The following COMT variants were observed in gnomAD, a reference collection of about 807,000 sequenced individuals.
COMT encodes catechol O-methyltransferase.
In COMT, 13 loss-of-function variants were observed where a neutral mutation model predicts 18.9. The observed-to-expected ratio is 0.69, with a 90% CI of 0.45 to 1.09. The LOEUF (loss-of-function observed/expected upper bound fraction) is 1.09. Ranked by LOEUF, COMT falls within the 50% of genes least tolerant of loss-of-function variation. The probability of loss-of-function intolerance (pLI) is 0.00; values close to 1 mark genes in which losing one functional copy is unlikely to be tolerated. For missense variants in COMT, 329 were observed against 361.8 expected, an observed-to-expected ratio of 0.91 and a Z score of 0.73; for synonymous variants, 150 against 160.9, an observed-to-expected ratio of 0.93 and a Z score of 0.51.
intron 3 of COMT, 164 bp downstream of exon 3, chr22:19,962,979 G>A: frequency 1.1e-6 from 1 of 886,334 alleles, no homozygotes; most frequent in Non-Finnish European, 1.7e-6. Flanking sequence ...CAGGGTGCCA[G>A]GGTCCCTGAT....
Position 19,964,211 on chromosome 22 carries a change from TGAA to T in COMT, c.535_537del (p.Lys179del), listed in dbSNP as rs773751730. 50 of 1,614,002 alleles carry T rather than the reference TGAA, an allele frequency of 3.1e-5. No individual in the cohort carries two copies. Among genetic ancestry groups the T allele is most frequent in the Admixed American group, 5.0e-5 (3 of 60,008 alleles). On this transcript the variant is annotated inframe_deletion, in exon 5 of 6. Coordinates refer to ENST00000361682, the MANE Select transcript of COMT (RefSeq NM_000754.4). ...GCGTCCCAGGACATCATCCCCCAGCTGAAGAAGAAGTATGATGTGGACACACTG... is the reference window on the plus strand; with the variant it reads ...GCGTCCCAGGACATCATCCCCCAGCTGAAGAAGTATGATGTGGACACACTG...
At chr22:19,952,299 G>T (rs929497579) in intron 1 of COMT, among the ~76,000 whole-genome samples, 12 of 149,900 alleles carry the variant, frequency 8.0e-5, no homozygotes, top group Admixed American at 4.0e-4. Flanking sequence ...AGGTGATCAC[G>T]CCACTGCACT....
chr22:19,967,042 C>T (rs918753105), intron 5 of COMT: 31 of 1,207,988 alleles, frequency 2.6e-5, no homozygotes, highest in Non-Finnish European at 3.3e-5. Context: ...ACAGGCAGGA[C>T]AGGTGCTGCC....
At position 19,969,912 on chromosome 22, in the gene COMT, A is replaced by C. The variant is rs147371346; in HGVS notation, c.*1176A>C. 3.0e-6 allele frequency: 3 copies of C among 985,530 alleles called. No homozygotes were observed. The African/African-American group carries it at 5.2e-5, about 17-fold the overall frequency. 61.0% of individuals were successfully genotyped at this position (985,530 alleles called of 1,614,324 possible). On this transcript the variant is annotated 3_prime_UTR_variant, in exon 6 of 6. Transcript: ENST00000361682. ...AGCAAAAAGTTCCTTTGCTGCTTTA[A>C]TTTTTAAATTTTCTTACAAAAATTT... is the stretch of plus-strand genomic sequence containing the variant.
In COMT at chr22:19,968,747, G is replaced by T. The variant is rs138327309; in HGVS notation, c.*11G>T. Reference sequence around the variant, plus strand: ...GAAGCAGGGCCCTGACTGCCCCCCCGGCCCCCCTCTCGGGCTCTCTCACCC... The same window carrying T: ...GAAGCAGGGCCCTGACTGCCCCCCCTGCCCCCCTCTCGGGCTCTCTCACCC... On this transcript the variant is annotated 3_prime_UTR_variant, in exon 6 of 6. Coordinates refer to ENST00000361682, the MANE Select transcript of COMT (RefSeq NM_000754.4). The T allele has an allele frequency of 2.7e-5, 37 of 1,348,112 alleles. No individual in the cohort carries two copies. The highest frequency in any genetic ancestry group is 3.8e-5 in the Non-Finnish European group (37 of 971,180). 83.5% of individuals were successfully genotyped at this position (1,348,112 alleles called of 1,614,324 possible).
At chr22:19,965,365 TG>T (rs1423824868) in intron 5 of COMT, 2 of 152,188 alleles carry the variant, frequency 1.3e-5, no homozygotes, top group East Asian at 3.9e-4. Flanking sequence ...ATATTTTAGA[TG>T]GAGTCTTGCT....
At chr22:19,957,201 C>A (rs906230637) in intron 1 of COMT, among the ~76,000 whole-genome samples, 1 of 151,994 alleles carries the variant, frequency 6.6e-6, no homozygotes, top group Non-Finnish European at 1.5e-5. Context: ...CTGCCCGCCC[C>A]GGCCTCCCAA....
Position 19,963,600 on chromosome 22 carries a change from G to T in COMT, c.324G>T (p.Gln108His). 1 of 1,612,854 alleles carries T rather than the reference G, an allele frequency of 6.2e-7. No homozygotes were observed. Reference protein sequence around the residue: ...KIVDAVIQEHQPSVLLELGAY... With the variant: ...KIVDAVIQEHHPSVLLELGAY... ...TGGACGCCGTGATTCAGGAGCACCA[G>T]CCCTCCGTGCTGCTGGAGCTGGGGG... Residue 108 changes from glutamine to histidine, a missense_variant, in exon 4 of 6, where the codon CAG (glutamine) becomes CAT (histidine). Coordinates refer to ENST00000361682, the MANE Select transcript of COMT (RefSeq NM_000754.4).
At position 19,952,899 on chromosome 22, in the gene COMT, C is replaced by T. The variant is rs528070364; in HGVS notation, c.-91-8300C>T. Among the ~76,000 whole-genome samples the T allele has an allele frequency of 3.3e-5, 5 of 151,244 alleles. 1 individual carries two copies. Among genetic ancestry groups the T allele is most frequent in the African/African-American group, 1.2e-4 (5 of 41,198 alleles). ...CCAGGAGGCGGAGGTTGCAGTGAGC[C>T]GAGATCGCGCCACTGCACTCCAGTC... On this transcript the variant is annotated intron_variant, in intron 1 of 5. Transcript: ENST00000361682.
chr22:19,952,310 C>G (rs1941955922), intron 1 of COMT, among the ~76,000 whole-genome samples: 1 of 150,076 alleles, frequency 6.7e-6, no homozygotes, highest in Non-Finnish European at 1.5e-5. Context: ...CCACTGCACT[C>G]CCGCCTGGGC....
At chr22:19,953,783 C>T (rs751730688) in intron 1 of COMT, among the ~76,000 whole-genome samples, 11 of 152,190 alleles carry the variant, frequency 7.2e-5, no homozygotes, top group Non-Finnish European at 1.2e-4. Context: ...CCAAGCCAGC[C>T]TCCACTCTTG....
chr22:19,944,946 C>T (rs1270133337), intron 1 of COMT, among the ~76,000 whole-genome samples: 1 of 152,232 alleles, frequency 6.6e-6, no homozygotes, highest in Non-Finnish European at 1.5e-5. Flanking sequence ...CAAACCCTTC[C>T]CTTTTGATTG....
At chr22:19,956,005 G>A (rs1361659805) in intron 1 of COMT, among the ~76,000 whole-genome samples, 1 of 152,144 alleles carries the variant, frequency 6.6e-6, no homozygotes, top group African/African-American at 2.4e-5. Context: ...GGATGTGGGT[G>A]AATAGAGACC....
At chr22:19,942,382 G>A (rs1941751244) in intron 1 of COMT, among the ~76,000 whole-genome samples, 1 of 152,096 alleles carries the variant, frequency 6.6e-6, no homozygotes, top group Non-Finnish European at 1.5e-5. Flanking sequence ...AGAGGGCCTT[G>A]GTGACTTCTC....
intron 1 of COMT, among the ~76,000 whole-genome samples, chr22:19,944,886 C>T (rs1174591691): frequency 6.6e-6 from 1 of 152,286 alleles, no homozygotes; most frequent in Non-Finnish European, 1.5e-5. Flanking sequence ...GATCTGATAA[C>T]TCCCAAGGGG....
Position 19,969,695 on chromosome 22 carries a change from A to G in COMT, c.*959A>G. On this transcript the variant is annotated 3_prime_UTR_variant, in exon 6 of 6. Transcript: ENST00000361682. ...GGCCTGGCTAGCCCCCAGCCAGCCC[A>G]CTCCTATGGATAGACAGACCAGTGA... 2.7e-6 allele frequency: 1 copy of G among 365,904 alleles called. No individual in the cohort carries two copies. The highest frequency in any genetic ancestry group is 3.8e-6 in the Non-Finnish European group (1 of 264,254). 22.7% of individuals were successfully genotyped at this position (365,904 alleles called of 1,614,324 possible). A position where few individuals can be genotyped will look rare whatever the true frequency, so the allele number is the denominator to read the frequency against.
intron 1 of COMT, among the ~76,000 whole-genome samples, chr22:19,955,917 A>G (rs1942047135): frequency 6.6e-6 from 1 of 152,128 alleles, no homozygotes; most frequent in Non-Finnish European, 1.5e-5. Context: ...CTTGCTGTGC[A>G]GCCCAGTCTT....
At position 19,949,600 on chromosome 22, in the gene COMT, G is replaced by A. The variant is rs138042343; in HGVS notation, c.-92+7703G>A. Among the ~76,000 whole-genome samples, 92 of 151,552 alleles carry A rather than the reference G, an allele frequency of 6.1e-4. 1 individual carries two copies. The East Asian group carries it at 0.017, about 28-fold the overall frequency. ...TATAATTTTTAACCATTAGTAACCGGTATTTTTTTTTTAAAGAGACAGCGT... is the reference window on the plus strand; with the variant it reads ...TATAATTTTTAACCATTAGTAACCGATATTTTTTTTTTAAAGAGACAGCGT... On this transcript the variant is annotated intron_variant, in intron 1 of 5. Coordinates refer to ENST00000361682, the MANE Select transcript of COMT (RefSeq NM_000754.4).
In COMT at chr22:19,941,846, G is replaced by A. The variant is rs549728841; in HGVS notation, c.-143G>A. ...GGCAGCTAGGGCTGCCCGCCGCGCT[G>A]CCTGCGCCGGACCGGGGCGGGTCCA... On this transcript the variant is annotated 5_prime_UTR_variant, in exon 1 of 6. Transcript: ENST00000361682. The A allele has an allele frequency of 2.0e-6, 3 of 1,479,820 alleles. No homozygotes were observed. The highest frequency in any genetic ancestry group is 2.3e-5 in the Admixed American group (1 of 42,738). 91.7% of individuals were successfully genotyped at this position (1,479,820 alleles called of 1,614,324 possible). A position where few individuals can be genotyped will look rare whatever the true frequency, so the allele number is the denominator to read the frequency against.
Sources: allele counts gnomAD v4.1 joint callset (sites outside exome capture counted in the v4.1 genomes callset), GRCh38; gene constraint gnomAD v4.1.1; transcripts MANE v1.5; gene names NCBI Gene and HGNC (gene_info 2026-07-23, HGNC 2026-07-21).